Variants in LGSN observed in about 807,000 individuals in gnomAD.
LGSN encodes the protein lengsin.
In LGSN, 21 loss-of-function variants were observed where a neutral mutation model predicts 19.5. The ratio of observed to expected loss-of-function variants is 1.07; its 90% confidence interval spans 0.76 to 1.55. LGSN has a LOEUF of 1.55. Ranked by LOEUF, LGSN falls within the 40% of genes most tolerant of loss-of-function variation. The pLI is 0.00. For synonymous variants in LGSN, 257 were observed against 215.6 expected (o/e 1.19, Z -1.68); for missense variants, 673 against 608.5 (o/e 1.11, Z -1.12).
At chr6:63,424,023 G>C in the LGSN span, among the ~76,000 whole-genome samples, 1 of 152,064 alleles carries the variant, frequency 6.6e-6, no homozygotes, top group East Asian at 1.9e-4. Flanking sequence ...CTGGGCAACA[G>C]AGCAAAACTC....
chr6:63,542,914 A>T, the LGSN span, among the ~76,000 whole-genome samples: 8 of 152,150 alleles, frequency 5.3e-5, no homozygotes, highest in African/African-American at 1.9e-4. Context: ...TCGTGTTCCT[A>T]ACCCTTGCAA....
At chr6:63,386,725 G>T in the LGSN span, among the ~76,000 whole-genome samples, 1 of 152,100 alleles carries the variant, frequency 6.6e-6, no homozygotes, top group Non-Finnish European at 1.5e-5. Flanking sequence ...TTTAGAGAGG[G>T]TAATCTACTG....
At chr6:63,429,820 C>G in the LGSN span, among the ~76,000 whole-genome samples, 16,869 of 151,916 alleles carry the variant, frequency 0.11, 1,949 homozygotes, top group African/African-American at 0.29. Flanking sequence ...CCAAGCTCCT[C>G]CTATCATTCT....
At chr6:63,413,527 G>A in the LGSN span, among the ~76,000 whole-genome samples, 5 of 152,250 alleles carry the variant, frequency 3.3e-5, no homozygotes, top group South Asian at 1.0e-3. Flanking sequence ...TTAACTAAGT[G>A]GATCATTGGG....
chr6:63,338,300 A>G, the LGSN span, among the ~76,000 whole-genome samples: 2 of 152,360 alleles, frequency 1.3e-5, no homozygotes, highest in African/African-American at 4.8e-5. Context: ...GATTGAGATC[A>G]TAAGAGTAGG....
the LGSN span, among the ~76,000 whole-genome samples, chr6:63,570,369 C>A: frequency 6.6e-6 from 1 of 152,292 alleles, no homozygotes; most frequent in South Asian, 2.1e-4. Context: ...TTTCTCTCAA[C>A]AGCAAAAGCC....
At chr6:63,475,132 G>A in the LGSN span, among the ~76,000 whole-genome samples, 9 of 152,068 alleles carry the variant, frequency 5.9e-5, no homozygotes, top group East Asian at 1.5e-3. Context: ...GTATCAAAAA[G>A]GATTTGTTTT....
At chr6:63,489,177 T>C in the LGSN span, among the ~76,000 whole-genome samples, 4 of 152,334 alleles carry the variant, frequency 2.6e-5, no homozygotes, top group Admixed American at 1.3e-4. Context: ...TAGAACACTT[T>C]AACTAAGCTA....
the LGSN span, among the ~76,000 whole-genome samples, chr6:63,377,787 G>A: frequency 6.1e-4 from 93 of 151,588 alleles, no homozygotes; most frequent in South Asian, 2.5e-3. Flanking sequence ...GGTGGTGTGC[G>A]CCTCTAGTCC....
chr6:63,379,151 T>C, the LGSN span, among the ~76,000 whole-genome samples: 1 of 152,082 alleles, frequency 6.6e-6, no homozygotes, highest in Non-Finnish European at 1.5e-5. Context: ...AAGCATGTGC[T>C]TTTTTGAGTG....
the LGSN span, among the ~76,000 whole-genome samples, chr6:63,358,589 A>T: frequency 4.8e-3 from 725 of 152,128 alleles, 1 homozygote; most frequent in African/African-American, 0.016. Context: ...ATTCTCTTTG[A>T]AGCAATTGTG....
chr6:63,390,536 T>C, the LGSN span, among the ~76,000 whole-genome samples: 2 of 151,856 alleles, frequency 1.3e-5, no homozygotes, highest in Non-Finnish European at 2.9e-5. Context: ...AGGAGATTGT[T>C]ACACAGGAAT....
At chr6:63,388,066 C>T in the LGSN span, among the ~76,000 whole-genome samples, 7 of 149,338 alleles carry the variant, frequency 4.7e-5, no homozygotes, top group East Asian at 5.9e-4. Context: ...AGTAGAGATG[C>T]GGTTTCACCA....
At position 63,281,129 on chromosome 6, in the gene LGSN, G is replaced by A. The variant is rs201049412; in HGVS notation, c.422C>T (p.Thr141Ile). Reference sequence around the variant, plus strand: ...TAGGACTATGTCGCTATTAAAACATGTGGCTCTTATGTTATTCATTTCATT... The same window carrying A: ...TAGGACTATGTCGCTATTAAAACATATGGCTCTTATGTTATTCATTTCATT... ...KDNEMNNIRA[T>I]CFNSDIVLMP... The change falls in exon 4 of 4, where the codon ACA becomes ATA. Residue 141 changes from threonine to isoleucine, a missense_variant. By Grantham distance (89) the Thr-to-Ile change is moderately conservative (BLOSUM62 -1). Transcript: ENST00000370657. The A allele has an allele frequency of 3.1e-5, 50 of 1,613,580 alleles. No individual in the cohort carries two copies. Among genetic ancestry groups the A allele is most frequent in the Non-Finnish European group, 1.9e-5 (23 of 1,179,942 alleles).
At chr6:63,513,869 C>G in the LGSN span, among the ~76,000 whole-genome samples, 1 of 144,654 alleles carries the variant, frequency 6.9e-6, no homozygotes, top group African/African-American at 2.6e-5. Context: ...TGAGATCCTA[C>G]CATTGCACTC....
At chr6:63,481,914 G>T in the LGSN span, 1 of 197,004 alleles carries the variant, frequency 5.1e-6, no homozygotes, top group South Asian at 1.1e-4. Flanking sequence ...TTAAATAAAA[G>T]CTTGAAAGAT....
At chr6:63,402,907 G>A in the LGSN span, among the ~76,000 whole-genome samples, 1 of 152,130 alleles carries the variant, frequency 6.6e-6, no homozygotes, top group South Asian at 2.1e-4. Context: ...AAAAACTGAG[G>A]TCCCCTCAAA....
intron 1 of LGSN, among the ~76,000 whole-genome samples, chr6:63,316,531 G>A (rs1157693279): frequency 1.3e-5 from 2 of 151,936 alleles, no homozygotes; most frequent in African/African-American, 2.4e-5. Flanking sequence ...AAATAATAAA[G>A]AACACTAAAA....
the LGSN span, among the ~76,000 whole-genome samples, chr6:63,460,382 C>T: frequency 6.6e-6 from 1 of 151,898 alleles, no homozygotes; most frequent in South Asian, 2.1e-4. Context: ...GATAACTGTG[C>T]TTTCTTTCAT....
Sources: gnomAD v4.1 joint callset for allele counts (sites outside exome capture counted in the v4.1 genomes callset) on GRCh38, gnomAD v4.1.1 for gene constraint, MANE v1.5 for transcripts, NCBI Gene and HGNC (gene_info 2026-07-23, HGNC 2026-07-21) for gene names.